Variants in UBXN2B observed in about 807,000 individuals in gnomAD.
The protein encoded by UBXN2B is UBX domain-containing protein 2B.
UBXN2B carries 19 observed loss-of-function variants against 37.5 expected under a neutral mutation model. That is an observed-to-expected ratio of 0.51 (90% CI 0.35 to 0.74). The LOEUF (loss-of-function observed/expected upper bound fraction) is 0.74, where lower values mean the gene tolerates loss of function less well. UBXN2B is among the 30% of genes least tolerant of loss of function. The probability of loss-of-function intolerance (pLI) is 0.01; values close to 1 mark genes in which losing one functional copy is unlikely to be tolerated. For synonymous variants in UBXN2B, 145 were observed against 143.8 expected, an observed-to-expected ratio of 1.01 and a Z score of -0.06; for missense variants, 370 against 393.2, an observed-to-expected ratio of 0.94 and a Z score of 0.50.
Position 58,446,025 on chromosome 8 carries a change from G to T in UBXN2B, c.790G>T (p.Ala264Ser). 1 of 1,612,948 alleles carries T rather than the reference G, an allele frequency of 6.2e-7. No individual in the cohort carries two copies. Among genetic ancestry groups the T allele is most frequent in the African/African-American group, 1.3e-5 (1 of 75,004 alleles). ...AACAACAAAAATTCAAATCAGGTTA[G>T]CAGATGGGAGTCGTTTGATACAAAG... Reference protein sequence around the residue: ...VPTTKIQIRLADGSRLIQRFN... With the variant: ...VPTTKIQIRLSDGSRLIQRFN... The change falls in exon 7 of 8, where the codon GCA (alanine) becomes TCA (serine). Residue 264 changes from alanine (A) to serine (S), a missense_variant. Physicochemically the swap from Ala to Ser is moderately conservative, Grantham distance 99. Coordinates refer to ENST00000399598, the MANE Select transcript of UBXN2B (RefSeq NM_001077619.2).
intron 6 of UBXN2B, among the ~76,000 whole-genome samples, chr8:58,442,680 CTG>C (rs1231554390): frequency 6.6e-6 from 1 of 152,138 alleles, no homozygotes; most frequent in Non-Finnish European, 1.5e-5. Flanking sequence ...GTAGAACAAA[CTG>C]TATTATTGAG....
rs980935365 is a variant in UBXN2B at position 58,448,297 on chromosome 8, C to G, written c.*746C>G. The G allele has an allele frequency of 6.6e-6, 1 of 152,088 alleles. No individual in the cohort carries two copies. The highest frequency in any genetic ancestry group is 1.5e-5 in the Non-Finnish European group (1 of 68,058). The allele number at this position is 152,088 out of a possible 1,614,324, so 9.4% of individuals were successfully genotyped here. ...CAAAAGATTCTCCTGCCTTAGCCTC[C>G]CAAGTAGCTGGGATTACAGGCATGC... is the stretch of plus-strand genomic sequence containing the variant. On this transcript the variant is annotated 3_prime_UTR_variant, in exon 8 of 8. Transcript: ENST00000399598.
intron 2 of UBXN2B, chr8:58,425,877 T>A: frequency 8.6e-7 from 1 of 1,161,006 alleles, no homozygotes; most frequent in Non-Finnish European, 1.3e-6. Context: ...ACTTTAGACT[T>A]GCCGTTATTG....
intron 6 of UBXN2B, among the ~76,000 whole-genome samples, chr8:58,441,546 A>G (rs1029076692): frequency 1.3e-5 from 2 of 152,058 alleles, no homozygotes; most frequent in South Asian, 2.1e-4. Context: ...ATTTAAATGT[A>G]TGACCAAGAA....
At chr8:58,412,612 G>A (rs988792278) in intron 1 of UBXN2B, among the ~76,000 whole-genome samples, 2 of 152,172 alleles carry the variant, frequency 1.3e-5, no homozygotes, top group African/African-American at 2.4e-5. Context: ...GGGATAGGAA[G>A]CTATTGTGTA....
rs142512563 is a variant in UBXN2B, at chr8:58,439,357, G to A, written c.534-276G>A. Reference sequence around the variant, plus strand: ...TCTAGTGCTGATTTACATATAAATTGCTGTCTTAAAATTTAACTTTCTAAA... The same window carrying A: ...TCTAGTGCTGATTTACATATAAATTACTGTCTTAAAATTTAACTTTCTAAA... On this transcript the variant is annotated intron_variant, in intron 5 of 7. Transcript: ENST00000399598. 1.7e-3 allele frequency among the ~76,000 whole-genome samples: 253 copies of A among 152,168 alleles called. 1 individual carries two copies. The highest frequency in any genetic ancestry group is 6.0e-3 in the Admixed American group (91 of 15,276).
intron 2 of UBXN2B, among the ~76,000 whole-genome samples, chr8:58,427,540 T>C (rs1372251087): frequency 6.6e-6 from 1 of 152,176 alleles, no homozygotes. Flanking sequence ...ATGCAGGATA[T>C]TTTAAAGGTG....
At chr8:58,432,429 C>A (rs1375739049) in intron 3 of UBXN2B, among the ~76,000 whole-genome samples, 1 of 127,942 alleles carries the variant, frequency 7.8e-6, no homozygotes, top group African/African-American at 3.0e-5. Flanking sequence ...GTTGCCCAGG[C>A]TGGAGTGCAG....
chr8:58,419,277 C>T (rs1057102377), intron 2 of UBXN2B, among the ~76,000 whole-genome samples: 2 of 152,084 alleles, frequency 1.3e-5, no homozygotes, highest in African/African-American at 2.4e-5. Context: ...TATTCAATAT[C>T]GAAATTTTCC....
chr8:58,442,050 C>G (rs530842795), intron 6 of UBXN2B, among the ~76,000 whole-genome samples: 1 of 152,284 alleles, frequency 6.6e-6, no homozygotes, highest in South Asian at 2.1e-4. Flanking sequence ...CTAGAACATT[C>G]CATCATCGAA....
chr8:58,424,881 C>A, intron 2 of UBXN2B: 1 of 1,087,002 alleles, frequency 9.2e-7, no homozygotes, highest in South Asian at 1.2e-5. Context: ...TCTGAGACTG[C>A]ACCATCTGGA....
chr8:58,422,234 A>G (rs116070177), intron 2 of UBXN2B, among the ~76,000 whole-genome samples: 53 of 152,220 alleles, frequency 3.5e-4, no homozygotes, highest in Middle Eastern at 3.4e-3. Flanking sequence ...TCAAAGTTCA[A>G]TGAATATTGG....
chr8:58,425,036 G>A, intron 2 of UBXN2B: 1 of 782,064 alleles, frequency 1.3e-6, no homozygotes, highest in Non-Finnish European at 2.4e-6. Flanking sequence ...ATGCGTTCCT[G>A]CTTATGGTGC....
At chr8:58,413,862 G>T (rs1212376485) in intron 1 of UBXN2B, among the ~76,000 whole-genome samples, 1 of 152,102 alleles carries the variant, frequency 6.6e-6, no homozygotes, top group Non-Finnish European at 1.5e-5. Flanking sequence ...GATTGTTAGT[G>T]GCAAAACTAA....
chr8:58,447,088 C>T (rs1039931988), intron 7 of UBXN2B, among the ~76,000 whole-genome samples: 2 of 151,950 alleles, frequency 1.3e-5, no homozygotes, highest in East Asian at 1.9e-4. Context: ...CGTAAGCCAC[C>T]GTGCCCAGCT....
chr8:58,434,792 A>G (rs1487928376), intron 5 of UBXN2B: 2 of 1,528,378 alleles, frequency 1.3e-6, no homozygotes, highest in Non-Finnish European at 1.7e-6. Context: ...TTAATGTGAT[A>G]ATCAGTGAAT....
At chr8:58,431,121 C>G (rs1808261497) in intron 3 of UBXN2B, among the ~76,000 whole-genome samples, 1 of 152,240 alleles carries the variant, frequency 6.6e-6, no homozygotes, top group Non-Finnish European at 1.5e-5. Context: ...CCCACCCCGT[C>G]TCTCATGCCA....
At chr8:58,417,698 A>G (rs984070614) in intron 2 of UBXN2B, among the ~76,000 whole-genome samples, 4 of 152,180 alleles carry the variant, frequency 2.6e-5, no homozygotes, top group Non-Finnish European at 4.4e-5. Flanking sequence ...CAGAAAGTCT[A>G]TTTTATAAGT....
chr8:58,419,549 A>G (rs1807871906), intron 2 of UBXN2B, among the ~76,000 whole-genome samples: 1 of 152,248 alleles, frequency 6.6e-6, no homozygotes, highest in South Asian at 2.1e-4. Context: ...AAAGTTAAAT[A>G]TCACAATCAG....
Sources: gnomAD v4.1 joint callset for allele counts (sites outside exome capture counted in the v4.1 genomes callset) on GRCh38, gnomAD v4.1.1 for gene constraint, MANE v1.5 for transcripts, NCBI Gene and HGNC (gene_info 2026-07-23, HGNC 2026-07-21) for gene names.